Variants in EDC3 observed in about 807,000 individuals in gnomAD.
EDC3 encodes the protein enhancer of mRNA-decapping protein 3.
In EDC3, 20 loss-of-function variants were observed where a neutral mutation model predicts 41.8. The observed-to-expected ratio is 0.48, with a 90% confidence interval of 0.34 to 0.70. The LOEUF is 0.70. Ranked by LOEUF, EDC3 falls within the 30% of genes least tolerant of loss-of-function variation. The pLI is 0.01. For missense variants in EDC3, 444 were observed against 636.8 expected (o/e 0.70, Z 3.26); for synonymous variants, 206 against 243.2 (o/e 0.85, Z 1.42).
At chr15:74,643,945 A>T (rs2062383465) in intron 4 of EDC3, 1 of 151,944 alleles carries the variant, frequency 6.6e-6, no homozygotes, top group Non-Finnish European at 1.5e-5. Flanking sequence ...CAGTCAACAA[A>T]ACTGAGTGCT....
intron 1 of EDC3, among the ~76,000 whole-genome samples, chr15:74,679,383 A>C (rs2062843626): frequency 6.6e-6 from 1 of 152,130 alleles, no homozygotes; most frequent in African/African-American, 2.4e-5. Context: ...TTAAAAGTCT[A>C]ATATATCACA....
intron 1 of EDC3, among the ~76,000 whole-genome samples, chr15:74,684,478 C>CA (rs1043252193): frequency 0.073 from 4,408 of 60,344 alleles, 311 homozygotes; most frequent in African/African-American, 0.21. Flanking sequence ...GACTTTGTCT[C>CA]AAAAAAAAAA....
intron 4 of EDC3, 107 bp downstream of exon 4, chr15:74,655,626 A>T: frequency 8.6e-7 from 1 of 1,160,764 alleles, no homozygotes; most frequent in South Asian, 1.6e-5. Flanking sequence ...AAGCCACTTA[A>T]ATTAATTCCT....
chr15:74,673,736 A>T (rs1371507584), intron 2 of EDC3, among the ~76,000 whole-genome samples: 2 of 150,742 alleles, frequency 1.3e-5, no homozygotes, highest in African/African-American at 4.9e-5. Flanking sequence ...GCTACTCGGG[A>T]GGCTGAGGCA....
intron 1 of EDC3, among the ~76,000 whole-genome samples, chr15:74,694,594 C>A (rs1369294682): frequency 6.6e-6 from 1 of 152,276 alleles, no homozygotes; most frequent in Non-Finnish European, 1.5e-5. Context: ...GCGTGAGCCA[C>A]AGTGCCCGGC....
intron 3 of EDC3, among the ~76,000 whole-genome samples, chr15:74,661,275 A>G (rs2062616867): frequency 6.6e-6 from 1 of 152,224 alleles, no homozygotes; most frequent in Non-Finnish European, 1.5e-5. Flanking sequence ...CTCCCAAATT[A>G]TAAAGTATCA....
intron 1 of EDC3, 99 bp from the exon 2 acceptor site, chr15:74,675,241 TA>T: frequency 8.9e-7 from 1 of 1,121,686 alleles, no homozygotes; most frequent in Non-Finnish European, 1.3e-6. Context: ...TGTTGGTTAA[TA>T]AAACATATTC....
chr15:74,669,739 TCTAGAGAGAC>T (rs1326476947), intron 3 of EDC3, among the ~76,000 whole-genome samples: 1 of 152,072 alleles, frequency 6.6e-6, no homozygotes, highest in African/African-American at 2.4e-5. Flanking sequence ...CTGAGTGGGG[TCTAGAGAGAC>T]CTAGCTCACT....
In EDC3 at chr15:74,648,282, G is replaced by A. The variant is rs144542778; in HGVS notation, c.820+7451C>T. The stretch of plus-strand genomic sequence containing the variant: ...TTTTTGAGGAGATAAAAACACTGCT[G>A]GTCTTGAAAGCCTTAGATTACTTCT... On this transcript the variant is annotated intron_variant, in intron 4 of 6. Transcript: ENST00000315127. Among the ~76,000 whole-genome samples, 558 of 152,282 alleles carry A rather than the reference G, an allele frequency of 3.7e-3. 4 individuals are homozygous for A. The highest frequency in any genetic ancestry group is 0.013 in the African/African-American group (537 of 41,546).
chr15:74,657,729 T>A (rs1025110355), intron 3 of EDC3, among the ~76,000 whole-genome samples: 1 of 152,232 alleles, frequency 6.6e-6, no homozygotes, highest in African/African-American at 2.4e-5. Flanking sequence ...AATTTGGTCT[T>A]AGGCTAGATC....
intron 4 of EDC3, among the ~76,000 whole-genome samples, chr15:74,655,468 G>A (rs181348320): frequency 3.1e-4 from 47 of 152,198 alleles, no homozygotes; most frequent in Non-Finnish European, 6.6e-4. Flanking sequence ...GCCTTTAGTT[G>A]TTACTCACAG....
rs2062742964 is a variant in EDC3 at position 74,671,878 on chromosome 15, T to C, written c.165-104A>G. The C allele has an allele frequency of 5.9e-6, 7 of 1,178,898 alleles. No individual in the cohort carries two copies. Among genetic ancestry groups the C allele is most frequent in the Middle Eastern group, 2.3e-4 (1 of 4,316 alleles). 73.0% of individuals were successfully genotyped at this position (1,178,898 alleles called of 1,614,324 possible). On this transcript the variant is annotated intron_variant, in intron 2 of 6. Coordinates refer to ENST00000315127, the MANE Select transcript of EDC3 (RefSeq NM_025083.5). The surrounding 1 kb of genome is among the most constrained non-coding windows in gnomAD (Gnocchi z 4.6). ...TACCCCTTTGCAGGACTGCATTTTA[T>C]TGAGTTATCAGAGGCTAGGAAAGGG...
chr15:74,656,406 A>AAACAC, intron 3 of EDC3, among the ~76,000 whole-genome samples: 1 of 145,948 alleles, frequency 6.9e-6, no homozygotes, highest in Admixed American at 6.9e-5. Context: ...TCTGTCTCAA[A>AAACAC]ACACACACAC....
chr15:74,687,828 T>C (rs915433555), intron 1 of EDC3, among the ~76,000 whole-genome samples: 2 of 152,160 alleles, frequency 1.3e-5, no homozygotes, highest in African/African-American at 2.4e-5. Context: ...TTATAATCCA[T>C]CATAATTCTA....
intron 4 of EDC3, among the ~76,000 whole-genome samples, chr15:74,652,608 G>A (rs1434731823): frequency 6.6e-6 from 1 of 151,270 alleles, no homozygotes; most frequent in Non-Finnish European, 1.5e-5. Context: ...TTGAGACAGG[G>A]TCTGACTCTG....
At chr15:74,692,718 A>T (rs990176082) in intron 1 of EDC3, among the ~76,000 whole-genome samples, 1 of 152,240 alleles carries the variant, frequency 6.6e-6, no homozygotes, top group African/African-American at 2.4e-5. Context: ...CAAGTAATGT[A>T]ATAAGCTATG....
At chr15:74,643,909 CTA>C (rs911391148) in intron 4 of EDC3, 1 of 152,186 alleles carries the variant, frequency 6.6e-6, no homozygotes, top group Non-Finnish European at 1.5e-5. Context: ...TTCTCCAGGA[CTA>C]TGACTTCTGA....
At chr15:74,666,610 T>C (rs1487490726) in intron 3 of EDC3, among the ~76,000 whole-genome samples, 1 of 152,232 alleles carries the variant, frequency 6.6e-6, no homozygotes. Context: ...ACATACTGTA[T>C]GATTTTAATT....
rs770049435 is a variant in EDC3 at position 74,662,257 on chromosome 15, CT to C, written c.485-6190del. On this transcript the variant is annotated intron_variant, in intron 3 of 6. Transcript: ENST00000315127. The stretch of plus-strand genomic sequence containing the variant: ...TGACCTAGCACTTATGCTACATTAC[CT>C]ACTTTGTTCTGTAGTTAATCTGTGT... Among the ~76,000 whole-genome samples the C allele has an allele frequency of 2.1e-3, 313 of 152,186 alleles. 5 individuals carry two copies. The highest frequency in any genetic ancestry group is 3.9e-3 in the East Asian group (20 of 5,190).
Sources: allele counts gnomAD v4.1 joint callset (sites outside exome capture counted in the v4.1 genomes callset), GRCh38; gene constraint gnomAD v4.1.1; non-coding constraint Gnocchi (gnomAD v3.1); transcripts MANE v1.5; gene names NCBI Gene and HGNC (gene_info 2026-07-23, HGNC 2026-07-21).